The following LRBA variants were observed in gnomAD, a reference collection of about 807,000 sequenced individuals.
LRBA encodes the protein LPS responsive beige-like anchor protein.
LRBA carries 176 observed loss-of-function variants against 330.0 expected under a neutral mutation model. The ratio of observed to expected loss-of-function variants is 0.53; its 90% CI spans 0.47 to 0.60. The LOEUF (loss-of-function observed/expected upper bound fraction) is 0.60. Ranked by LOEUF, LRBA falls within the 20% of genes least tolerant of loss-of-function variation. The probability of loss-of-function intolerance (pLI) is 0.00; values close to 1 mark genes in which losing one functional copy is unlikely to be tolerated. For synonymous variants in LRBA, 1,230 were observed against 1,193.0 expected (o/e 1.03, Z -0.64); for missense variants, 3,259 against 3,444.8 (o/e 0.95, Z 1.35).
intron 33 of LRBA, among the ~76,000 whole-genome samples, chr4:150,802,350 G>A (rs72961835): frequency 0.034 from 4,887 of 144,580 alleles, 217 homozygotes; most frequent in African/African-American, 0.11. Context: ...GCATTCGTGG[G>A]TTTTTTTTTT....
chr4:150,931,922 A>G (rs1228029401), intron 2 of LRBA, among the ~76,000 whole-genome samples: 2 of 152,186 alleles, frequency 1.3e-5, no homozygotes, highest in African/African-American at 2.4e-5. Context: ...TAAAAGCACT[A>G]AATGGGTTAG....
intron 44 of LRBA, among the ~76,000 whole-genome samples, chr4:150,443,599 A>G (rs1046280193): frequency 5.3e-5 from 8 of 152,068 alleles, no homozygotes; most frequent in Non-Finnish European, 8.8e-5. Flanking sequence ...TTGCAAGGAC[A>G]AAAAACCAAA....
Position 150,852,947 on chromosome 4 carries a change from G to C in LRBA, c.2767-4C>G. Reference sequence around the variant, plus strand: ...CTTTGTGTATTTCAAAAGTGACCTAGGTGAAAAATGTACAATCAGTTAAAA... The same window carrying C: ...CTTTGTGTATTTCAAAAGTGACCTACGTGAAAAATGTACAATCAGTTAAAA... On this transcript the variant is annotated splice_polypyrimidine_tract_variant and splice_region_variant and intron_variant, in intron 22 of 56. Transcript: ENST00000651943. 6.5e-7 allele frequency: 1 copy of C among 1,528,630 alleles called. No homozygotes were observed. Among genetic ancestry groups the C allele is most frequent in the Non-Finnish European group, 8.8e-7 (1 of 1,138,362 alleles). 94.7% of individuals were successfully genotyped at this position (1,528,630 alleles called of 1,614,324 possible). A position where few individuals can be genotyped will look rare whatever the true frequency, so the allele number is the denominator to read the frequency against.
intron 15 of LRBA, 32 bp downstream of exon 15, chr4:150,897,707 G>A (rs994685011): frequency 1.5e-5 from 21 of 1,426,924 alleles, no homozygotes; most frequent in Middle Eastern, 1.8e-4. Flanking sequence ...TTCAATACAC[G>A]GTATGCTATG....
rs761007166 is a variant in LRBA at position 150,806,298 on chromosome 4, C to G, written c.5491G>C (p.Gly1831Arg). 1.9e-6 allele frequency: 3 copies of G among 1,606,056 alleles called. No homozygotes were observed. In the South Asian group the frequency reaches 3.3e-5, roughly 18 times the overall value. ...GTTCCTTCTATAAGCAGTTCTTGTC[C>G]ATGGCTACCCAAAAGTGTCCGAGAA... ...FLSRTLLGSH[G>R]QELLIEGTSL... Residue 1831 changes from glycine to arginine, a missense_variant, in exon 33 of 57, where the codon GGA becomes CGA. Coordinates refer to ENST00000651943, the MANE Select transcript of LRBA (RefSeq NM_001364905.1).
At chr4:150,617,152 T>C (rs1458918106) in intron 37 of LRBA, among the ~76,000 whole-genome samples, 4 of 152,158 alleles carry the variant, frequency 2.6e-5, no homozygotes, top group African/African-American at 4.8e-5. Flanking sequence ...AAAAAATTCA[T>C]TGATGGGAGC....
intron 47 of LRBA, among the ~76,000 whole-genome samples, chr4:150,397,033 C>G (rs1228833260): frequency 1.3e-5 from 2 of 151,774 alleles, no homozygotes; most frequent in Non-Finnish European, 2.9e-5. Context: ...AAGAGAAAAG[C>G]AAAAAAACAC....
intron 40 of LRBA, among the ~76,000 whole-genome samples, chr4:150,587,622 C>T (rs569979686): frequency 2.6e-5 from 4 of 152,108 alleles, no homozygotes; most frequent in South Asian, 2.1e-4. Flanking sequence ...CTTGCATGCA[C>T]GACAGAGTAG....
intron 30 of LRBA, among the ~76,000 whole-genome samples, chr4:150,820,284 T>G (rs1489460748): frequency 2.0e-5 from 3 of 151,960 alleles, no homozygotes; most frequent in Non-Finnish European, 4.4e-5. Context: ...ATTTGAACCG[T>G]TTCCCCATGT....
chr4:150,988,672 G>A (rs927659750), intron 2 of LRBA, among the ~76,000 whole-genome samples: 5 of 151,638 alleles, frequency 3.3e-5, no homozygotes, highest in Middle Eastern at 3.2e-3. Context: ...TCTGTCTCCC[G>A]GGTTCAAGCT....
intron 53 of LRBA, among the ~76,000 whole-genome samples, chr4:150,299,500 G>C (rs1274413737): frequency 6.6e-6 from 1 of 151,960 alleles, no homozygotes; most frequent in Non-Finnish European, 1.5e-5. Context: ...TTAGCCAAAA[G>C]GCTGAGAAGC....
At chr4:150,942,293 T>C (rs1050993729) in intron 2 of LRBA, among the ~76,000 whole-genome samples, 2 of 152,314 alleles carry the variant, frequency 1.3e-5, no homozygotes, top group South Asian at 2.1e-4. Context: ...ACTATGTCCA[T>C]GTCCCAGGAA....
At chr4:150,592,114 G>A (rs914952364) in intron 38 of LRBA, among the ~76,000 whole-genome samples, 4 of 144,426 alleles carry the variant, frequency 2.8e-5, no homozygotes, top group Non-Finnish European at 6.0e-5. Flanking sequence ...CCCAGGCTGC[G>A]GCTTTTGATA....
chr4:150,470,934 T>C (rs1380203575), intron 43 of LRBA, among the ~76,000 whole-genome samples: 1 of 151,808 alleles, frequency 6.6e-6, no homozygotes, highest in Non-Finnish European at 1.5e-5. Context: ...CACCCAAATT[T>C]ATCTTACACA....
intron 53 of LRBA, among the ~76,000 whole-genome samples, chr4:150,288,124 T>C (rs1004072891): frequency 7.9e-5 from 12 of 151,880 alleles, no homozygotes; most frequent in African/African-American, 2.9e-4. Context: ...CCTGAGTAGC[T>C]GGGACTACAG....
At chr4:150,489,417 A>T (rs181007750) in intron 41 of LRBA, among the ~76,000 whole-genome samples, 631 of 39,480 alleles carry the variant, frequency 0.016, 30 homozygotes, top group Middle Eastern at 0.031. Flanking sequence ...TAAGAATATA[A>T]AATATATTAC....
intron 2 of LRBA, among the ~76,000 whole-genome samples, chr4:150,952,073 T>C (rs1736891082): frequency 6.6e-6 from 1 of 152,220 alleles, no homozygotes; most frequent in South Asian, 2.1e-4. Context: ...TCCAGAACAC[T>C]AAGTGTCCAC....
At chr4:150,817,524 C>T (rs1294938913) in intron 30 of LRBA, among the ~76,000 whole-genome samples, 2 of 151,656 alleles carry the variant, frequency 1.3e-5, no homozygotes, top group African/African-American at 4.8e-5. Flanking sequence ...TTAGGATCAT[C>T]TTAATTATCT....
At chr4:150,634,978 G>A (rs995716087) in intron 37 of LRBA, among the ~76,000 whole-genome samples, 4 of 152,224 alleles carry the variant, frequency 2.6e-5, no homozygotes, top group Non-Finnish European at 4.4e-5. Context: ...GGAAAGGCAA[G>A]CATGCTATGT....
Sources: allele counts gnomAD v4.1 joint callset (sites outside exome capture counted in the v4.1 genomes callset), GRCh38; gene constraint gnomAD v4.1.1; transcripts MANE v1.5; gene names NCBI Gene and HGNC (gene_info 2026-07-23, HGNC 2026-07-21).